The following FOXN3 variants were observed in gnomAD, a reference collection of about 807,000 sequenced individuals.
FOXN3 encodes forkhead box protein N3.
In FOXN3, 7 loss-of-function variants were observed where a neutral mutation model predicts 38.4. The ratio of observed to expected loss-of-function variants is 0.18; its 90% CI spans 0.10 to 0.34. FOXN3 has a LOEUF of 0.34. FOXN3 is among the 10% of genes least tolerant of loss of function. The probability of loss-of-function intolerance (pLI) is 1.00; values close to 1 mark genes in which losing one functional copy is unlikely to be tolerated. For synonymous variants in FOXN3, 230 were observed against 242.2 expected (o/e 0.95, Z 0.47); for missense variants, 456 against 613.4 (o/e 0.74, Z 2.71).
chr14:89,431,512 G>C (rs946835708), intron 1 of FOXN3, among the ~76,000 whole-genome samples: 7 of 151,948 alleles, frequency 4.6e-5, no homozygotes, highest in Non-Finnish European at 1.0e-4. Flanking sequence ...CGCCTGGCCA[G>C]CATGTTTTTT....
intron 4 of FOXN3, among the ~76,000 whole-genome samples, chr14:89,278,058 A>G (rs535039566): frequency 9.2e-5 from 14 of 152,250 alleles, no homozygotes; most frequent in Admixed American, 2.6e-4. Context: ...TCTACACGAC[A>G]GGGCACCCCC....
intron 3 of FOXN3, among the ~76,000 whole-genome samples, chr14:89,324,978 C>T (rs987402089): frequency 2.0e-5 from 3 of 152,218 alleles, no homozygotes; most frequent in South Asian, 2.1e-4. Context: ...TCTAGGGTGG[C>T]GCTGTCCAAC....
In FOXN3 at chr14:89,428,040, T is replaced by C. The variant is rs146763982; in HGVS notation, c.-14-15550A>G. Among the ~76,000 whole-genome samples, 605 of 152,342 alleles carry C rather than the reference T, an allele frequency of 4.0e-3. 3 individuals carry two copies. Among genetic ancestry groups the C allele is most frequent in the African/African-American group, 0.014 (585 of 41,584 alleles). On this transcript the variant is annotated intron_variant, in intron 1 of 6. Coordinates refer to the FOXN3 transcript ENST00000345097. The stretch of plus-strand genomic sequence containing the variant: ...TCGGTGGCTAAGTCTGCCAAAGTCT[T>C]ATCCACGCCAAGAAATAACTTCTCT...
intron 4 of FOXN3, among the ~76,000 whole-genome samples, chr14:89,218,996 C>T (rs1884371705): frequency 6.6e-6 from 1 of 152,244 alleles, no homozygotes; most frequent in Non-Finnish European, 1.5e-5. Context: ...CTTATTTTCT[C>T]CTTTTATTTA....
chr14:89,218,964 C>T (rs1884370453), intron 4 of FOXN3, among the ~76,000 whole-genome samples: 1 of 152,228 alleles, frequency 6.6e-6, no homozygotes, highest in Non-Finnish European at 1.5e-5. Flanking sequence ...CCAAGGTCTT[C>T]CATAAGCAAA....
chr14:89,471,382 G>C (rs1893091141), intron 1 of FOXN3, among the ~76,000 whole-genome samples: 1 of 151,982 alleles, frequency 6.6e-6, no homozygotes. Flanking sequence ...TGGATGGATT[G>C]CTTGAGCCCA....
intron 1 of FOXN3, among the ~76,000 whole-genome samples, chr14:89,499,567 T>A (rs964413788): frequency 3.3e-5 from 5 of 152,174 alleles, no homozygotes; most frequent in African/African-American, 1.2e-4. Context: ...TATGCTTAAT[T>A]TTAGTTTCTA....
At chr14:89,517,463 G>A (rs193035244) in intron 1 of FOXN3, among the ~76,000 whole-genome samples, 2 of 152,024 alleles carry the variant, frequency 1.3e-5, no homozygotes, top group Non-Finnish European at 2.9e-5. Context: ...AATCATGGCC[G>A]AAGGCAAAGG....
chr14:89,176,095 C>A (rs991366007), intron 5 of FOXN3, among the ~76,000 whole-genome samples: 1 of 152,174 alleles, frequency 6.6e-6, no homozygotes, highest in Non-Finnish European at 1.5e-5. Flanking sequence ...GAGGACTTGA[C>A]GCCCAGGCAA....
intron 1 of FOXN3, among the ~76,000 whole-genome samples, chr14:89,416,270 C>T (rs1005275695): frequency 3.3e-5 from 5 of 152,234 alleles, no homozygotes; most frequent in African/African-American, 1.2e-4. Context: ...CTCTTATCCC[C>T]ATATACAGGG....
At chr14:89,360,716 T>TCCACCACC (rs1889458674) in intron 2 of FOXN3, among the ~76,000 whole-genome samples, 3 of 93,260 alleles carry the variant, frequency 3.2e-5, no homozygotes, top group Non-Finnish European at 6.8e-5. Flanking sequence ...CCTCCAGCAC[T>TCCACCACC]ACCTCCACCA....
intron 1 of FOXN3, among the ~76,000 whole-genome samples, chr14:89,481,622 C>A (rs1302269591): frequency 6.6e-6 from 1 of 152,176 alleles, no homozygotes; most frequent in African/African-American, 2.4e-5. Context: ...AATCGACACA[C>A]CAAATCAACC....
chr14:89,607,641 T>C (rs1383026977), intron 1 of FOXN3, among the ~76,000 whole-genome samples: 2 of 151,454 alleles, frequency 1.3e-5, no homozygotes, highest in African/African-American at 4.9e-5. Flanking sequence ...GCCACACAAG[T>C]TCTGATAAAG....
At chr14:89,206,025 G>C (rs1888375387) in intron 4 of FOXN3, among the ~76,000 whole-genome samples, 1 of 152,250 alleles carries the variant, frequency 6.6e-6, no homozygotes, top group African/African-American at 2.4e-5. Context: ...GACACAGCAA[G>C]AAGATGCCCT....
intron 3 of FOXN3, among the ~76,000 whole-genome samples, chr14:89,287,749 T>TAAAAA (rs58930677): frequency 1.5e-5 from 2 of 129,704 alleles, no homozygotes; most frequent in Non-Finnish European, 3.2e-5. Context: ...TAAAGAATGC[T>TAAAAA]AAAAAAAAAA....
intron 4 of FOXN3, among the ~76,000 whole-genome samples, chr14:89,217,296 C>T (rs1378890044): frequency 6.6e-6 from 1 of 152,158 alleles, no homozygotes; most frequent in African/African-American, 2.4e-5. Flanking sequence ...CCTGCCACCA[C>T]ACATGGCTAT....
At chr14:89,332,835 G>A (rs1888289215) in intron 3 of FOXN3, among the ~76,000 whole-genome samples, 1 of 151,992 alleles carries the variant, frequency 6.6e-6, no homozygotes, top group Non-Finnish European at 1.5e-5. Flanking sequence ...CAATAGAAAG[G>A]CACTCATACA....
At chr14:89,509,768 T>TA (rs1320794530) in intron 1 of FOXN3, among the ~76,000 whole-genome samples, 2 of 152,272 alleles carry the variant, frequency 1.3e-5, no homozygotes, top group East Asian at 3.8e-4. Flanking sequence ...GTTTAACTTT[T>TA]AATGAAAACT....
intron 1 of FOXN3, among the ~76,000 whole-genome samples, chr14:89,513,166 A>AAAAAAG (rs1894131108): frequency 6.6e-6 from 1 of 150,612 alleles, no homozygotes; most frequent in African/African-American, 2.4e-5. Context: ...AAAAAAAAAA[A>AAAAAAG]AAAGAAAAAG....
Sources: allele counts gnomAD v4.1 joint callset (sites outside exome capture counted in the v4.1 genomes callset), GRCh38; gene constraint gnomAD v4.1.1; transcripts MANE v1.5; gene names NCBI Gene and HGNC (gene_info 2026-07-23, HGNC 2026-07-21).